THSD7B: variants seen among roughly 807,000 people sequenced by gnomAD.
THSD7B encodes thrombospondin type-1 domain-containing protein 7B.
Under a neutral mutation model 213.6 loss-of-function variants are expected in THSD7B, and 138 were observed. The observed-to-expected ratio is 0.65, with a 90% CI of 0.56 to 0.74. The LOEUF (loss-of-function observed/expected upper bound fraction) is 0.74. Among genes scored for constraint, THSD7B ranks in the 30% least tolerant of loss-of-function variants. The pLI, the probability that THSD7B is intolerant of heterozygous loss-of-function variation, is 0.00. For synonymous variants in THSD7B, 742 were observed against 687.0 expected, an observed-to-expected ratio of 1.08 and a Z score of -1.25; for missense variants, 1,931 against 1,991.5, an observed-to-expected ratio of 0.97 and a Z score of 0.58.
intron 7 of THSD7B, among the ~76,000 whole-genome samples, chr2:137,197,347 C>G (rs577958730): frequency 6.6e-6 from 1 of 152,048 alleles, no homozygotes; most frequent in Non-Finnish European, 1.5e-5. Context: ...GTGCTAAAAG[C>G]TAAACTTCGG....
intron 2 of THSD7B, among the ~76,000 whole-genome samples, chr2:136,888,956 T>A (rs940424198): frequency 6.6e-6 from 1 of 151,784 alleles, no homozygotes; most frequent in Non-Finnish European, 1.5e-5. Context: ...TGTGTGTGTG[T>A]GTGTGTGTGT....
intron 15 of THSD7B, among the ~76,000 whole-genome samples, chr2:137,552,486 G>A (rs1268276884): frequency 6.6e-6 from 1 of 151,942 alleles, no homozygotes; most frequent in Non-Finnish European, 1.5e-5. Context: ...TTTCCTGTTA[G>A]TAAGGATCAT....
At chr2:137,583,400 C>T (rs540258069) in intron 17 of THSD7B, among the ~76,000 whole-genome samples, 16 of 152,054 alleles carry the variant, frequency 1.1e-4, no homozygotes, top group East Asian at 7.7e-4. Flanking sequence ...GTTTTAGACA[C>T]GAAGTCCTTG....
chr2:137,346,525 G>C (rs1684880201), intron 12 of THSD7B, among the ~76,000 whole-genome samples: 1 of 150,850 alleles, frequency 6.6e-6, no homozygotes, highest in Admixed American at 6.6e-5. Context: ...ACATGCCCTT[G>C]ATTGAGCATA....
At chr2:137,394,678 G>A (rs199824563) in intron 12 of THSD7B, among the ~76,000 whole-genome samples, 1 of 119,988 alleles carries the variant, frequency 8.3e-6, no homozygotes, top group South Asian at 3.0e-4. Flanking sequence ...CTTTAAAATA[G>A]TTTTTTCCAA....
chr2:136,867,426 A>G (rs551212094), intron 1 of THSD7B, among the ~76,000 whole-genome samples: 140 of 152,296 alleles, frequency 9.2e-4, no homozygotes, highest in African/African-American at 3.2e-3. Flanking sequence ...CCATTCCCAC[A>G]TGTCTTTAAT....
At chr2:137,092,180 A>G (rs2104915827) in intron 3 of THSD7B, among the ~76,000 whole-genome samples, 1 of 152,302 alleles carries the variant, frequency 6.6e-6, no homozygotes, top group Non-Finnish European at 1.5e-5. Flanking sequence ...TGGGAGACCA[A>G]GTCAGGTGGA....
intron 5 of THSD7B, among the ~76,000 whole-genome samples, chr2:137,136,302 A>C (rs1031559975): frequency 1.3e-5 from 2 of 152,188 alleles, no homozygotes; most frequent in Admixed American, 6.5e-5. Context: ...AGAATAATAA[A>C]ATTCCCTGAA....
intron 27 of THSD7B, among the ~76,000 whole-genome samples, chr2:137,672,159 A>C (rs1265745999): frequency 6.6e-6 from 1 of 152,194 alleles, no homozygotes; most frequent in Non-Finnish European, 1.5e-5. Flanking sequence ...TTTTTAGAAA[A>C]ACAGTATAGG....
intron 12 of THSD7B, among the ~76,000 whole-genome samples, chr2:137,325,938 A>C (rs1684365718): frequency 6.6e-6 from 1 of 152,222 alleles, no homozygotes; most frequent in East Asian, 1.9e-4. Context: ...AAAGGAAAAG[A>C]GACATATCTT....
intron 1 of THSD7B, among the ~76,000 whole-genome samples, chr2:136,846,320 T>A (rs1237711093): frequency 2.6e-5 from 4 of 152,128 alleles, no homozygotes; most frequent in Non-Finnish European, 5.9e-5. Context: ...ACTGAGCAGA[T>A]GTCTTGAAGC....
At chr2:137,118,511 C>G (rs548805673) in intron 5 of THSD7B, among the ~76,000 whole-genome samples, 1 of 152,040 alleles carries the variant, frequency 6.6e-6, no homozygotes, top group Non-Finnish European at 1.5e-5. Context: ...ATTTAAAAAT[C>G]CAGAAAAATT....
intron 10 of THSD7B, among the ~76,000 whole-genome samples, chr2:137,260,346 A>G (rs955874367): frequency 6.6e-6 from 1 of 152,186 alleles, no homozygotes; most frequent in Non-Finnish European, 1.5e-5. Flanking sequence ...ATTTTTTTAA[A>G]GTAATCTGCA....
At chr2:137,158,155 C>T (rs970098050) in intron 5 of THSD7B, among the ~76,000 whole-genome samples, 3 of 152,142 alleles carry the variant, frequency 2.0e-5, no homozygotes, top group African/African-American at 2.4e-5. Context: ...TGGTTTGAAA[C>T]GAATGCATGA....
chr2:137,656,815 A>G lies in THSD7B; in HGVS notation c.4125A>G (p.Glu1375=). Residue 1375 remains glutamate, a synonymous_variant, in exon 23 of 28, where the codon GAA becomes GAG. Transcript: ENST00000409968. ...GTCCAGGAGACTGCCATTTAACAGA[A>G]TGGTCAGAGTGGAGCACATGTGAAT... ...VPCPGDCHLT[E]WSEWSTCELT... 6.2e-7 allele frequency: 1 copy of G among 1,613,924 alleles called. No homozygotes were observed.
intron 3 of THSD7B, among the ~76,000 whole-genome samples, chr2:137,064,294 T>C (rs1017391472): frequency 1.3e-5 from 2 of 152,116 alleles, no homozygotes; most frequent in Non-Finnish European, 2.9e-5. Flanking sequence ...TGTTTGTCAT[T>C]TCTATGTATT....
intron 7 of THSD7B, among the ~76,000 whole-genome samples, chr2:137,188,565 A>G (rs1220975836): frequency 6.6e-6 from 1 of 152,216 alleles, no homozygotes; most frequent in Non-Finnish European, 1.5e-5. Flanking sequence ...AAAGGGCTGC[A>G]GGCAGAATAC....
intron 1 of THSD7B, among the ~76,000 whole-genome samples, chr2:136,861,798 G>T (rs922111016): frequency 2.0e-5 from 3 of 152,194 alleles, no homozygotes; most frequent in Non-Finnish European, 2.9e-5. Context: ...TCACACAGTT[G>T]CTGTAGGTCA....
intron 2 of THSD7B, among the ~76,000 whole-genome samples, chr2:136,971,596 A>G (rs1213781659): frequency 2.0e-5 from 3 of 150,784 alleles, no homozygotes; most frequent in East Asian, 1.9e-4. Flanking sequence ...ACTTACATAG[A>G]TGCAGAACAC....
Sources: allele counts gnomAD v4.1 joint callset (sites outside exome capture counted in the v4.1 genomes callset), GRCh38; gene constraint gnomAD v4.1.1; transcripts MANE v1.5; gene names NCBI Gene and HGNC (gene_info 2026-07-23, HGNC 2026-07-21).